The following EPHA6 variants were observed in gnomAD, a reference collection of about 807,000 sequenced individuals.
EPHA6 encodes EPH receptor A6.
A neutral mutation model predicts 112.0 loss-of-function variants in EPHA6; 50 were observed. The ratio of observed to expected loss-of-function variants is 0.45; its 90% CI spans 0.36 to 0.56. The LOEUF (loss-of-function observed/expected upper bound fraction) is 0.56. Among genes scored for constraint, EPHA6 ranks in the 20% least tolerant of loss-of-function variants. The pLI is 0.00. For missense variants in EPHA6, 1,280 were observed against 1,417.4 expected (o/e 0.90, Z 1.56); for synonymous variants, 529 against 490.7 (o/e 1.08, Z -1.03).
chr3:96,918,079 C>T lies in EPHA6; in HGVS notation c.450+51190C>T, dbSNP rs150372018. 7.0e-3 allele frequency among the ~76,000 whole-genome samples: 1,073 copies of T among 152,264 alleles called. 4 individuals carry two copies. The highest frequency in any genetic ancestry group is 0.02 in the Middle Eastern group (6 of 294). On this transcript the variant is annotated intron_variant, in intron 2 of 17. Transcript: ENST00000389672. ...GTTTTTAGCACCCTCCCTCTACCCC[C>T]ATCCCACCTTTACAATCATGATGAA...
At position 97,223,300 on chromosome 3, in the gene EPHA6, G is replaced by A. The variant is rs57965272; in HGVS notation, c.1115-2964G>A. Among the ~76,000 whole-genome samples, 225 of 152,308 alleles carry A rather than the reference G, an allele frequency of 1.5e-3. 1 individual carries two copies. The highest frequency in any genetic ancestry group is 6.8e-3 in the Middle Eastern group (2 of 294). ...CATGTATCAGATGTGAAGTTCTTTG[G>A]AGTGGGGAGCATAATATGAAATATT... On this transcript the variant is annotated intron_variant, in intron 3 of 17. Coordinates refer to ENST00000389672, the MANE Select transcript of EPHA6 (RefSeq NM_001080448.3).
chr3:96,827,038 G>A (rs756648450), intron 1 of EPHA6, among the ~76,000 whole-genome samples: 2 of 152,090 alleles, frequency 1.3e-5, no homozygotes, highest in Admixed American at 1.3e-4. Flanking sequence ...GAAGAAGAGT[G>A]TTTGACACCT....
At chr3:97,091,908 T>C (rs1181373476) in intron 3 of EPHA6, among the ~76,000 whole-genome samples, 1 of 151,938 alleles carries the variant, frequency 6.6e-6, no homozygotes, top group East Asian at 1.9e-4. Flanking sequence ...TCTAAGTTAG[T>C]GTTGTAGTAT....
intron 16 of EPHA6, among the ~76,000 whole-genome samples, chr3:97,743,061 CT>C (rs1198463659): frequency 1.3e-5 from 2 of 152,118 alleles, no homozygotes; most frequent in African/African-American, 4.8e-5. Context: ...ATCACTGCCT[CT>C]TTCTCCACTC....
At chr3:97,393,244 G>C (rs2086519159) in intron 5 of EPHA6, among the ~76,000 whole-genome samples, 2 of 151,818 alleles carry the variant, frequency 1.3e-5, no homozygotes, top group African/African-American at 4.8e-5. Context: ...AAGAATCTCA[G>C]AGTGGTCCAA....
chr3:97,610,935 G>C, intron 13 of EPHA6, 81 bp downstream of exon 13: 2 of 1,195,276 alleles, frequency 1.7e-6, no homozygotes, highest in South Asian at 1.4e-5. Flanking sequence ...ATTAATTTTT[G>C]CATAATGTTA....
intron 11 of EPHA6, among the ~76,000 whole-genome samples, chr3:97,585,148 G>A (rs1255648852): frequency 6.6e-6 from 1 of 152,146 alleles, no homozygotes; most frequent in African/African-American, 2.4e-5. Context: ...ATTCAGTGTA[G>A]CGAATGGAAT....
chr3:97,596,417 G>A (rs1186086930), intron 12 of EPHA6, among the ~76,000 whole-genome samples: 2 of 151,992 alleles, frequency 1.3e-5, no homozygotes, highest in Non-Finnish European at 2.9e-5. Flanking sequence ...GCAGTTTGAT[G>A]TTTGCCATAC....
intron 2 of EPHA6, among the ~76,000 whole-genome samples, chr3:96,938,674 C>T (rs1559606506): frequency 6.6e-6 from 1 of 151,528 alleles, no homozygotes; most frequent in African/African-American, 2.4e-5. Flanking sequence ...AGAGGGCATC[C>T]CTGTCTTGTG....
chr3:97,133,099 G>T (rs567921811), intron 3 of EPHA6, among the ~76,000 whole-genome samples: 2 of 152,174 alleles, frequency 1.3e-5, no homozygotes, highest in African/African-American at 2.4e-5. Flanking sequence ...GCTTCCAGAA[G>T]TTGGTAAAGG....
intron 3 of EPHA6, among the ~76,000 whole-genome samples, chr3:97,112,017 C>T (rs1338361395): frequency 6.6e-6 from 1 of 152,114 alleles, no homozygotes; most frequent in Non-Finnish European, 1.5e-5. Context: ...ATTTGCCCAT[C>T]TCCAAGATAG....
chr3:97,695,628 C>T (rs1353835846), intron 14 of EPHA6, among the ~76,000 whole-genome samples: 1 of 152,190 alleles, frequency 6.6e-6, no homozygotes, highest in African/African-American at 2.4e-5. Flanking sequence ...GCAATTTCTG[C>T]CTCCCAGGTT....
intron 1 of EPHA6, among the ~76,000 whole-genome samples, chr3:96,831,258 T>G (rs1171838916): frequency 6.6e-6 from 1 of 152,140 alleles, no homozygotes; most frequent in African/African-American, 2.4e-5. Context: ...ATGTTTAAAC[T>G]GTGTGCTAAA....
At chr3:97,223,089 T>C (rs749817256) in intron 3 of EPHA6, among the ~76,000 whole-genome samples, 13 of 152,328 alleles carry the variant, frequency 8.5e-5, no homozygotes, top group Non-Finnish European at 1.6e-4. Flanking sequence ...GGTAAAACCA[T>C]AGAAATTAAA....
At chr3:97,436,488 G>A (rs552504853) in intron 6 of EPHA6, among the ~76,000 whole-genome samples, 1 of 152,208 alleles carries the variant, frequency 6.6e-6, no homozygotes, top group African/African-American at 2.4e-5. Context: ...TTTTTCCCCT[G>A]TCCTAAATGA....
At chr3:97,481,453 T>C in intron 9 of EPHA6, 1 of 1,335,540 alleles carries the variant, frequency 7.5e-7, no homozygotes. Context: ...CCTTTGCAGT[T>C]AAAAATATTT....
At chr3:97,284,415 G>A (rs2067406004) in intron 5 of EPHA6, among the ~76,000 whole-genome samples, 1 of 152,120 alleles carries the variant, frequency 6.6e-6, no homozygotes, top group Non-Finnish European at 1.5e-5. Context: ...CTTATTCTGA[G>A]AACATCTTAC....
chr3:96,828,037 TCTTTA>T (rs558340443), intron 1 of EPHA6, among the ~76,000 whole-genome samples: 3 of 152,156 alleles, frequency 2.0e-5, no homozygotes, highest in Non-Finnish European at 4.4e-5. Context: ...CATCCCAACA[TCTTTA>T]CTTTGAAACT....
chr3:97,230,575 G>A (rs2078494498), intron 4 of EPHA6, among the ~76,000 whole-genome samples: 1 of 152,212 alleles, frequency 6.6e-6, no homozygotes, highest in Non-Finnish European at 1.5e-5. Flanking sequence ...TGTTGCTATA[G>A]GGCAGGAAAA....
Sources: gnomAD v4.1 joint callset for allele counts (sites outside exome capture counted in the v4.1 genomes callset) on GRCh38, gnomAD v4.1.1 for gene constraint, MANE v1.5 for transcripts, NCBI Gene and HGNC (gene_info 2026-07-23, HGNC 2026-07-21) for gene names.